The following ARHGAP42 variants were observed in gnomAD, a reference collection of about 807,000 sequenced individuals.
ARHGAP42 encodes the protein rho GTPase-activating protein 42.
Under a neutral mutation model 125.0 loss-of-function variants are expected in ARHGAP42, and 63 were observed. The ratio of observed to expected loss-of-function variants is 0.50; its 90% confidence interval spans 0.41 to 0.62. ARHGAP42 has a LOEUF of 0.62. Ranked by LOEUF, ARHGAP42 falls within the 20% of genes least tolerant of loss-of-function variation. ARHGAP42 has a pLI of 0.00. For synonymous variants in ARHGAP42, 339 were observed against 351.0 expected (o/e 0.97, Z 0.38); for missense variants, 766 against 1,024.2 (o/e 0.75, Z 3.44).
chr11:100,967,293 G>T (rs1013972365), intron 17 of ARHGAP42, among the ~76,000 whole-genome samples: 1 of 152,132 alleles, frequency 6.6e-6, no homozygotes, highest in East Asian at 1.9e-4. Flanking sequence ...TTTGCTATCT[G>T]TGGTGTTTTC....
At chr11:100,854,097 T>C (rs1454706168) in intron 3 of ARHGAP42, among the ~76,000 whole-genome samples, 1 of 152,130 alleles carries the variant, frequency 6.6e-6, no homozygotes, top group Non-Finnish European at 1.5e-5. Flanking sequence ...AAAACTTAGT[T>C]TGAGTAACTC....
rs761529396 is a variant in ARHGAP42, at chr11:100,976,938, C to A, written c.2360C>A (p.Ala787Asp). ...KMCRRLRLDT[A>D]SSNGYQRPGS... is the part of the protein sequence containing the mutation. ...TGCAGGAGATTAAGACTAGACACTGCCTCAAGCAATGGCTATCAGCGGCCT... is the reference window on the plus strand; with the variant it reads ...TGCAGGAGATTAAGACTAGACACTGACTCAAGCAATGGCTATCAGCGGCCT... Residue 787 changes from alanine (A) to aspartate (D), a missense_variant, in exon 21 of 24, where the codon GCC becomes GAC. Ala to Asp is a moderately radical substitution (Grantham distance 126, BLOSUM62 -2). Coordinates refer to ENST00000298815, the MANE Select transcript of ARHGAP42 (RefSeq NM_152432.4). 7.1e-6 allele frequency: 11 copies of A among 1,551,318 alleles called. No homozygotes were observed. The South Asian group carries it at 1.3e-4, about 18-fold the overall frequency.
intron 17 of ARHGAP42, among the ~76,000 whole-genome samples, chr11:100,969,179 G>T (rs12417750): frequency 0.049 from 7,506 of 151,912 alleles, 323 homozygotes; most frequent in East Asian, 0.25. Context: ...TTTTGAATAT[G>T]CCATCCCTCT....
In ARHGAP42 at chr11:100,889,954, T is replaced by C. The variant is rs375927866; in HGVS notation, c.385-23498T>C. On this transcript the variant is annotated intron_variant, in intron 4 of 23. Coordinates refer to ENST00000298815, the MANE Select transcript of ARHGAP42 (RefSeq NM_152432.4). ...TGTTATCAGGTAACCAAGGCCAGTC[T>C]TTTGGACTTTGCCACAGTAGGCAAT... Among the ~76,000 whole-genome samples the C allele has an allele frequency of 7.0e-4, 107 of 152,310 alleles. 2 individuals carry two copies. In the South Asian group the frequency reaches 0.022, roughly 31 times the overall value.
At chr11:100,952,734 C>CT (rs59112603) in intron 12 of ARHGAP42, among the ~76,000 whole-genome samples, 2,327 of 117,512 alleles carry the variant, frequency 0.02, 144 homozygotes, top group South Asian at 0.029. Flanking sequence ...CTAAGTCAGG[C>CT]TTTTTTTTTT....
chr11:100,956,520 GAC>G (rs961211017), intron 12 of ARHGAP42, among the ~76,000 whole-genome samples: 2 of 152,132 alleles, frequency 1.3e-5, no homozygotes, highest in Admixed American at 6.6e-5. Flanking sequence ...GCTGGGTAAA[GAC>G]ACATGTCACT....
intron 1 of ARHGAP42, among the ~76,000 whole-genome samples, chr11:100,706,072 C>T (rs1456036057): frequency 1.3e-5 from 2 of 151,192 alleles, no homozygotes; most frequent in South Asian, 2.1e-4. Context: ...CTCTGCATCC[C>T]GGGTTCAGGC....
chr11:100,870,844 G>A (rs1181782914), intron 4 of ARHGAP42, among the ~76,000 whole-genome samples: 1 of 151,708 alleles, frequency 6.6e-6, no homozygotes, highest in African/African-American at 2.4e-5. Context: ...CTGTCAGTGA[G>A]TTAAGCCATT....
intron 2 of ARHGAP42, among the ~76,000 whole-genome samples, chr11:100,783,525 C>T (rs1337535894): frequency 6.6e-6 from 1 of 152,162 alleles, no homozygotes. Context: ...TAGTCTATTC[C>T]TGCAGTGTGC....
At chr11:100,864,249 A>C (rs1188161281) in intron 4 of ARHGAP42, among the ~76,000 whole-genome samples, 1 of 151,650 alleles carries the variant, frequency 6.6e-6, no homozygotes, top group Non-Finnish European at 1.5e-5. Context: ...CAGTAGCGCA[A>C]TCTCGGCTCA....
At chr11:100,775,514 T>C (rs1345456451) in intron 2 of ARHGAP42, among the ~76,000 whole-genome samples, 8 of 152,332 alleles carry the variant, frequency 5.3e-5, no homozygotes. Flanking sequence ...CATGAGTTAT[T>C]TGCCCAGCCT....
chr11:100,755,445 T>C lies in ARHGAP42; in HGVS notation c.155-14898T>C, dbSNP rs138141140. Among the ~76,000 whole-genome samples, 331 of 152,378 alleles carry C rather than the reference T, an allele frequency of 2.2e-3. 2 individuals carry two copies. The highest frequency in any genetic ancestry group is 3.8e-3 in the Non-Finnish European group (256 of 68,034). Reference sequence around the variant, plus strand: ...TATACACAATTTCATTTCTCAGATGTACATCTCTTCTCATGAGTTTTCGTC... The same window carrying C: ...TATACACAATTTCATTTCTCAGATGCACATCTCTTCTCATGAGTTTTCGTC... On this transcript the variant is annotated intron_variant, in intron 1 of 23. Coordinates refer to ENST00000298815, the MANE Select transcript of ARHGAP42 (RefSeq NM_152432.4).
chr11:100,818,754 G>GT (rs1864333216), intron 3 of ARHGAP42, among the ~76,000 whole-genome samples: 1 of 151,976 alleles, frequency 6.6e-6, no homozygotes, highest in Admixed American at 6.6e-5. Flanking sequence ...TTTTTTCTCT[G>GT]TTTTTGTTTG....
In ARHGAP42 at chr11:100,819,659, C is replaced by T. The variant is rs1864359075; in HGVS notation, c.312+24493C>T. Among the ~76,000 whole-genome samples the T allele has an allele frequency of 2.6e-5, 4 of 152,032 alleles. 1 individual carries two copies. Among genetic ancestry groups the T allele is most frequent in the African/African-American group, 7.2e-5 (3 of 41,500 alleles). On this transcript the variant is annotated intron_variant, in intron 3 of 23. Coordinates refer to ENST00000298815, the MANE Select transcript of ARHGAP42 (RefSeq NM_152432.4). ...AGTGATAGGAGGATAATAATAGCAC[C>T]GATTTAAGGTTAGTATGATGCTTAA... is the stretch of plus-strand genomic sequence containing the variant.
At chr11:100,696,279 A>G (rs1204968174) in intron 1 of ARHGAP42, among the ~76,000 whole-genome samples, 4 of 152,182 alleles carry the variant, frequency 2.6e-5, no homozygotes, top group Admixed American at 6.6e-5. Context: ...TTTATGTAAA[A>G]TCAATTATGA....
intron 4 of ARHGAP42, among the ~76,000 whole-genome samples, chr11:100,880,134 A>C (rs1439691219): frequency 2.0e-5 from 3 of 152,154 alleles, no homozygotes; most frequent in Non-Finnish European, 4.4e-5. Flanking sequence ...TTATTAGTGA[A>C]CAGGTGGTGT....
intron 3 of ARHGAP42, among the ~76,000 whole-genome samples, chr11:100,850,409 G>C (rs1279689762): frequency 6.6e-6 from 1 of 152,134 alleles, no homozygotes; most frequent in Non-Finnish European, 1.5e-5. Flanking sequence ...AAGGTAATGT[G>C]TTGTACTGCA....
At chr11:100,808,475 G>C (rs1362726115) in intron 3 of ARHGAP42, among the ~76,000 whole-genome samples, 1 of 140,960 alleles carries the variant, frequency 7.1e-6, no homozygotes, top group Admixed American at 7.6e-5. Flanking sequence ...GCGCAATCTC[G>C]GCTCACTGCA....
chr11:100,777,486 A>G (rs1221261233), intron 2 of ARHGAP42, among the ~76,000 whole-genome samples: 7 of 152,182 alleles, frequency 4.6e-5, no homozygotes, highest in Non-Finnish European at 1.0e-4. Flanking sequence ...TAAAATTTTT[A>G]CTTACTTTGA....
Sources: allele counts gnomAD v4.1 joint callset (sites outside exome capture counted in the v4.1 genomes callset), GRCh38; gene constraint gnomAD v4.1.1; transcripts MANE v1.5; gene names NCBI Gene and HGNC (gene_info 2026-07-23, HGNC 2026-07-21).